The following DACH1 variants were observed in gnomAD, a reference collection of about 807,000 sequenced individuals.
The protein encoded by DACH1 is dachshund family transcription factor 1.
A neutral mutation model predicts 54.2 loss-of-function variants in DACH1; 12 were observed. The observed-to-expected ratio is 0.22, with a 90% CI of 0.14 to 0.36. The LOEUF (loss-of-function observed/expected upper bound fraction) is 0.36, where lower values mean the gene tolerates loss of function less well. DACH1 is among the 10% of genes least tolerant of loss of function. The pLI, the probability that DACH1 is intolerant of heterozygous loss-of-function variation, is 1.00. For missense variants in DACH1, 805 were observed against 929.8 expected, an observed-to-expected ratio of 0.87 and a Z score of 1.75; for synonymous variants, 386 against 366.2, an observed-to-expected ratio of 1.05 and a Z score of -0.62.
At chr13:71,650,122 G>A (rs943804826) in intron 2 of DACH1, among the ~76,000 whole-genome samples, 6 of 152,132 alleles carry the variant, frequency 3.9e-5, no homozygotes, top group African/African-American at 1.2e-4. Context: ...TGTTCACATT[G>A]AAATAGCCAA....
At chr13:71,506,406 G>A (rs972092415) in intron 6 of DACH1, among the ~76,000 whole-genome samples, 9 of 150,182 alleles carry the variant, frequency 6.0e-5, no homozygotes, top group African/African-American at 2.2e-4. Context: ...TTGTTCTTGC[G>A]ATAGTTTACT....
chr13:71,825,977 C>A (rs892534298), intron 1 of DACH1, among the ~76,000 whole-genome samples: 1 of 152,068 alleles, frequency 6.6e-6, no homozygotes, highest in Non-Finnish European at 1.5e-5. Flanking sequence ...TGTATCCATG[C>A]ACATGTAAAG....
intron 3 of DACH1, among the ~76,000 whole-genome samples, chr13:71,598,014 A>AG (rs1258267582): frequency 6.6e-6 from 1 of 150,824 alleles, no homozygotes; most frequent in African/African-American, 2.4e-5. Flanking sequence ...TGGGAGGCAG[A>AG]GGTTACAGTG....
intron 3 of DACH1, among the ~76,000 whole-genome samples, chr13:71,576,714 C>G (rs1885548818): frequency 1.3e-5 from 2 of 152,134 alleles, no homozygotes; most frequent in Admixed American, 1.3e-4. Context: ...TATTCTGTCC[C>G]TTAAGAGCCT....
intron 6 of DACH1, among the ~76,000 whole-genome samples, chr13:71,555,641 C>T (rs571567831): frequency 2.0e-5 from 3 of 151,772 alleles, no homozygotes; most frequent in Admixed American, 1.3e-4. Flanking sequence ...ACACCCAGCC[C>T]CACTATACTA....
At chr13:71,792,895 A>T (rs1886892491) in intron 1 of DACH1, among the ~76,000 whole-genome samples, 1 of 152,152 alleles carries the variant, frequency 6.6e-6, no homozygotes, top group Non-Finnish European at 1.5e-5. Context: ...GAGAGGACAG[A>T]ATGAAAGAAA....
intron 6 of DACH1, among the ~76,000 whole-genome samples, chr13:71,534,780 T>C (rs916561127): frequency 1.3e-5 from 2 of 151,782 alleles, no homozygotes; most frequent in African/African-American, 4.8e-5. Context: ...AATAATAAAG[T>C]TATAACTCAT....
At chr13:71,601,499 T>C (rs1295882540) in intron 3 of DACH1, among the ~76,000 whole-genome samples, 2 of 152,084 alleles carry the variant, frequency 1.3e-5, no homozygotes, top group Non-Finnish European at 2.9e-5. Context: ...CTAGTTAATA[T>C]GAATTTTATG....
chr13:71,510,551 A>G (rs1394430624), intron 6 of DACH1, among the ~76,000 whole-genome samples: 1 of 152,102 alleles, frequency 6.6e-6, no homozygotes, highest in East Asian at 1.9e-4. Flanking sequence ...TAGAGTTACA[A>G]AGACATAGAT....
intron 3 of DACH1, among the ~76,000 whole-genome samples, chr13:71,591,863 A>C (rs1176261291): frequency 6.6e-6 from 1 of 152,176 alleles, no homozygotes; most frequent in Non-Finnish European, 1.5e-5. Context: ...AAGATTAAAA[A>C]GTTACTCTTA....
intron 10 of DACH1, among the ~76,000 whole-genome samples, chr13:71,473,466 A>C (rs1290847564): frequency 6.6e-6 from 1 of 152,236 alleles, no homozygotes; most frequent in Non-Finnish European, 1.5e-5. Context: ...AAAGTTGTCA[A>C]CATTTCAGCC....
chr13:71,558,913 C>G (rs1203617710), intron 5 of DACH1, among the ~76,000 whole-genome samples: 1 of 151,950 alleles, frequency 6.6e-6, no homozygotes, highest in Admixed American at 6.6e-5. Context: ...AAATGCTTTC[C>G]TATTATGAAA....
intron 1 of DACH1, among the ~76,000 whole-genome samples, chr13:71,711,469 T>C (rs557353376): frequency 1.3e-4 from 20 of 152,248 alleles, no homozygotes; most frequent in Middle Eastern, 3.4e-3. Context: ...CATAAACTAC[T>C]TTTTATCTGC....
chr13:71,781,344 ATT>A (rs945051341), intron 1 of DACH1, among the ~76,000 whole-genome samples: 2 of 133,582 alleles, frequency 1.5e-5, no homozygotes, highest in Non-Finnish European at 3.2e-5. Flanking sequence ...GATCTTTTTT[ATT>A]TTTATTTATT....
At chr13:71,623,284 A>G (rs1233131693) in intron 3 of DACH1, among the ~76,000 whole-genome samples, 1 of 151,736 alleles carries the variant, frequency 6.6e-6, no homozygotes, top group African/African-American at 2.4e-5. Flanking sequence ...TTTCTAGAAA[A>G]TAATGAAAAA....
intron 7 of DACH1, among the ~76,000 whole-genome samples, chr13:71,482,660 T>C (rs1368207798): frequency 6.6e-6 from 1 of 152,174 alleles, no homozygotes; most frequent in Non-Finnish European, 1.5e-5. Flanking sequence ...TCCAGCTACT[T>C]AGTCTTCTTT....
chr13:71,463,647 TG>T (rs1303298139), intron 10 of DACH1, among the ~76,000 whole-genome samples: 1 of 151,984 alleles, frequency 6.6e-6, no homozygotes, highest in Non-Finnish European at 1.5e-5. Flanking sequence ...AAATATAAAA[TG>T]GGTTTACTGT....
chr13:71,783,784 A>G (rs1337337926), intron 1 of DACH1, among the ~76,000 whole-genome samples: 1 of 152,006 alleles, frequency 6.6e-6, no homozygotes, highest in African/African-American at 2.4e-5. Flanking sequence ...GCTGGCATTT[A>G]AAGAATGAAT....
chr13:71,526,216 T>C (rs1398778950), intron 6 of DACH1, among the ~76,000 whole-genome samples: 1 of 152,146 alleles, frequency 6.6e-6, no homozygotes, highest in Non-Finnish European at 1.5e-5. Flanking sequence ...CATAGAGTCT[T>C]GTGATATTAC....
Sources: gnomAD v4.1 joint callset for allele counts (sites outside exome capture counted in the v4.1 genomes callset) on GRCh38, gnomAD v4.1.1 for gene constraint, MANE v1.5 for transcripts, NCBI Gene and HGNC (gene_info 2026-07-23, HGNC 2026-07-21) for gene names.